The following CAB39 variants were observed in gnomAD, a reference collection of about 807,000 sequenced individuals.
CAB39 encodes calcium binding protein 39.
In CAB39, 8 loss-of-function variants were observed where a neutral mutation model predicts 40.0. The observed-to-expected ratio is 0.20, with a 90% CI of 0.12 to 0.36. The LOEUF is 0.36. Among genes scored for constraint, CAB39 ranks in the 10% least tolerant of loss-of-function variants. The pLI is 1.00. For synonymous variants in CAB39, 156 were observed against 141.6 expected, an observed-to-expected ratio of 1.10 and a Z score of -0.72; for missense variants, 270 against 401.1, an observed-to-expected ratio of 0.67 and a Z score of 2.79.
At chr2:230,731,811 T>C (rs1306797001) in intron 1 of CAB39, among the ~76,000 whole-genome samples, 1 of 152,056 alleles carries the variant, frequency 6.6e-6, no homozygotes, top group Non-Finnish European at 1.5e-5. Flanking sequence ...TATGCTGAAT[T>C]GTATGATGTG....
At chr2:230,776,835 C>T (rs1184671233) in intron 2 of CAB39, among the ~76,000 whole-genome samples, 5 of 152,064 alleles carry the variant, frequency 3.3e-5, no homozygotes, top group African/African-American at 7.2e-5. Flanking sequence ...GGACTACAGG[C>T]GCCTGCCACG....
chr2:230,808,961 G>C (rs1163115272), intron 5 of CAB39, among the ~76,000 whole-genome samples: 1 of 152,228 alleles, frequency 6.6e-6, no homozygotes, highest in Admixed American at 6.5e-5. Flanking sequence ...CACGATCCTG[G>C]TATTTATGGA....
chr2:230,745,848 A>G (rs1342206359), intron 1 of CAB39, among the ~76,000 whole-genome samples: 1 of 152,068 alleles, frequency 6.6e-6, no homozygotes, highest in African/African-American at 2.4e-5. Flanking sequence ...GATGTTCTTG[A>G]TCCCCTGACC....
chr2:230,776,884 T>C (rs936763049), intron 2 of CAB39, among the ~76,000 whole-genome samples: 2 of 152,190 alleles, frequency 1.3e-5, no homozygotes, highest in Non-Finnish European at 2.9e-5. Context: ...AGACGGGGTT[T>C]CACCGTATTA....
intron 5 of CAB39, among the ~76,000 whole-genome samples, chr2:230,805,852 C>A (rs990369408): frequency 6.6e-6 from 1 of 152,298 alleles, no homozygotes; most frequent in South Asian, 2.1e-4. Context: ...AAACTTCTAG[C>A]GAATTTCCAC....
chr2:230,744,638 C>T (rs756624934), intron 1 of CAB39, among the ~76,000 whole-genome samples: 3 of 152,242 alleles, frequency 2.0e-5, no homozygotes, highest in Admixed American at 6.5e-5. Flanking sequence ...TTAGATGTTA[C>T]AGTGGTTGTT....
At chr2:230,803,933 A>G (rs1203363795) in intron 5 of CAB39, among the ~76,000 whole-genome samples, 2 of 152,232 alleles carry the variant, frequency 1.3e-5, no homozygotes, top group Non-Finnish European at 2.9e-5. Flanking sequence ...AAGAGCCCGC[A>G]TTGCCAAGAC....
intron 1 of CAB39, among the ~76,000 whole-genome samples, chr2:230,758,611 CA>C (rs1253170326): frequency 6.6e-6 from 1 of 152,110 alleles, no homozygotes; most frequent in Non-Finnish European, 1.5e-5. Context: ...GTTTGTTCAT[CA>C]AATCTTAGGT....
chr2:230,783,187 T>C (rs1273356547), intron 2 of CAB39, among the ~76,000 whole-genome samples: 1 of 152,124 alleles, frequency 6.6e-6, no homozygotes, highest in South Asian at 2.1e-4. Flanking sequence ...TGGGCTCAGC[T>C]TGGGGACTTG....
Position 230,784,334 on chromosome 2 carries a change from A to AGT in CAB39, c.115-6536_115-6535dup, listed in dbSNP as rs572402089. Among the ~76,000 whole-genome samples the AGT allele has an allele frequency of 3.9e-3, 597 of 152,310 alleles. 2 individuals are homozygous for AGT. Among genetic ancestry groups the AGT allele is most frequent in the South Asian group, 0.016 (75 of 4,828 alleles). Reference sequence around the variant, plus strand: ...ATTTGAGGTACCTTGAGACATTACGAGTGGAGACATTTTGAGAAGGCTGCC... The same window carrying AGT: ...ATTTGAGGTACCTTGAGACATTACGAGTGTGGAGACATTTTGAGAAGGCTGCC... On this transcript the variant is annotated intron_variant, in intron 2 of 8. Transcript: ENST00000258418.
At chr2:230,750,192 C>T (rs1246981078) in intron 1 of CAB39, among the ~76,000 whole-genome samples, 3 of 152,150 alleles carry the variant, frequency 2.0e-5, no homozygotes, top group African/African-American at 7.2e-5. Flanking sequence ...TGAGGCTTGG[C>T]CCCTAATGTG....
At position 230,814,235 on chromosome 2, in the gene CAB39, G is replaced by A. The variant is rs112726248; in HGVS notation, c.693+121G>A. 1,600 of 566,758 alleles carry A rather than the reference G, an allele frequency of 2.8e-3. 17 individuals are homozygous for A. The highest frequency in any genetic ancestry group is 0.023 in the African/African-American group (1,196 of 51,542). 35.1% of individuals were successfully genotyped at this position (566,758 alleles called of 1,614,324 possible). ...TTTGGGGGAAATAAATACCTTTGCC[G>A]AGGGTCAAGATTTTTGCGGAAAGGA... is the stretch of plus-strand genomic sequence containing the variant. On this transcript the variant is annotated intron_variant, in intron 7 of 8. Transcript: ENST00000258418.
chr2:230,774,371 C>T (rs1669210269), intron 2 of CAB39, among the ~76,000 whole-genome samples: 1 of 152,078 alleles, frequency 6.6e-6, no homozygotes, highest in African/African-American at 2.4e-5. Context: ...AGATTAGTCT[C>T]TTAGGAGACT....
At position 230,738,138 on chromosome 2, in the gene CAB39, G is replaced by C. The variant is rs182651220; in HGVS notation, c.-43-21821G>C. Among the ~76,000 whole-genome samples, 4 of 152,136 alleles carry C rather than the reference G, an allele frequency of 2.6e-5. No individual in the cohort carries two copies. In the East Asian group the frequency reaches 5.8e-4, roughly 22 times the overall value. ...ACAACGCAGTTCAAGAAACGTCTCCGCTGAAGTCTGGGACCTTCAGCACAC... is the reference window on the plus strand; with the variant it reads ...ACAACGCAGTTCAAGAAACGTCTCCCCTGAAGTCTGGGACCTTCAGCACAC... On this transcript the variant is annotated intron_variant, in intron 1 of 8. Transcript: ENST00000258418.
At chr2:230,725,708 AT>A (rs1282238178) in intron 1 of CAB39, among the ~76,000 whole-genome samples, 3 of 152,174 alleles carry the variant, frequency 2.0e-5, no homozygotes, top group African/African-American at 7.2e-5. Context: ...GACATTTCTG[AT>A]ACAGAAACAG....
At chr2:230,741,216 T>A (rs987919193) in intron 1 of CAB39, among the ~76,000 whole-genome samples, 1 of 152,248 alleles carries the variant, frequency 6.6e-6, no homozygotes, top group Non-Finnish European at 1.5e-5. Context: ...AATATATGGT[T>A]CTCATTCCCA....
In CAB39 at chr2:230,819,720, A is replaced by G. The variant is rs890792439; in HGVS notation, c.*1016A>G. The G allele has an allele frequency of 1.3e-5, 2 of 152,294 alleles. No individual in the cohort carries two copies. The highest frequency in any genetic ancestry group is 1.9e-4 in the East Asian group (1 of 5,206). 9.4% of individuals were successfully genotyped at this position (152,294 alleles called of 1,614,324 possible). A position where few individuals can be genotyped will look rare whatever the true frequency, so the allele number is the denominator to read the frequency against. Reference sequence around the variant, plus strand: ...TCAGTTACCTAATGGGGTGCCATCAATAAGCTGCGATACAGCCCTGGAGCT... The same window carrying G: ...TCAGTTACCTAATGGGGTGCCATCAGTAAGCTGCGATACAGCCCTGGAGCT... On this transcript the variant is annotated 3_prime_UTR_variant, in exon 9 of 9. Transcript: ENST00000258418.
chr2:230,731,348 G>A (rs924671846), intron 1 of CAB39, among the ~76,000 whole-genome samples: 2 of 152,124 alleles, frequency 1.3e-5, no homozygotes, highest in African/African-American at 4.8e-5. Context: ...TATATAGCCA[G>A]GTTGTTAATA....
At chr2:230,779,419 A>G (rs1194841918) in intron 2 of CAB39, 1 of 152,380 alleles carries the variant, frequency 6.6e-6, no homozygotes, top group Non-Finnish European at 1.5e-5. Flanking sequence ...CAGACGAGTC[A>G]GCAGTAAGGG....
Sources: allele counts gnomAD v4.1 joint callset (sites outside exome capture counted in the v4.1 genomes callset), GRCh38; gene constraint gnomAD v4.1.1; transcripts MANE v1.5; gene names NCBI Gene and HGNC (gene_info 2026-07-23, HGNC 2026-07-21).